The following CDH18 variants were observed in gnomAD, a reference collection of about 807,000 sequenced individuals.
CDH18 encodes the protein cadherin-18.
In CDH18, 31 loss-of-function variants were observed where a neutral mutation model predicts 67.9. That is an observed-to-expected ratio of 0.46 (90% CI 0.34 to 0.62). The LOEUF (loss-of-function observed/expected upper bound fraction) is 0.62. Ranked by LOEUF, CDH18 falls within the 20% of genes least tolerant of loss-of-function variation. The pLI is 0.01. For missense variants in CDH18, 890 were observed against 975.5 expected (o/e 0.91, Z 1.17); for synonymous variants, 362 against 347.2 (o/e 1.04, Z -0.48).
Position 20,249,059 on chromosome 5 carries a change from A to C in CDH18, c.-518+6385T>G, listed in dbSNP as rs542273006. Among the ~76,000 whole-genome samples the C allele has an allele frequency of 9.8e-5, 15 of 152,310 alleles. No homozygotes were observed. In the East Asian group the frequency reaches 2.9e-3, roughly 29 times the overall value. On this transcript the variant is annotated intron_variant, in intron 2 of 14. Transcript: ENST00000507958. ...TAGAAATAAACACAAAGAAAAACAA[A>C]GTATTATTGGAAAAGTACAGCGAAG...
intron 4 of CDH18, among the ~76,000 whole-genome samples, chr5:19,734,584 G>C (rs944088368): frequency 1.3e-5 from 2 of 152,012 alleles, no homozygotes; most frequent in African/African-American, 4.8e-5. Flanking sequence ...ACTCTTCCTT[G>C]TTTTGAAAGC....
At chr5:19,996,472 C>T (rs2150394879) in intron 2 of CDH18, among the ~76,000 whole-genome samples, 1 of 152,100 alleles carries the variant, frequency 6.6e-6, no homozygotes, top group South Asian at 2.1e-4. Flanking sequence ...GAAAAGATTA[C>T]TGAAATTGAA....
chr5:19,720,508 T>A (rs1416543184), intron 5 of CDH18, among the ~76,000 whole-genome samples: 3 of 152,164 alleles, frequency 2.0e-5, no homozygotes, highest in African/African-American at 7.2e-5. Context: ...GAGTTTTACT[T>A]AACCAAATTT....
At chr5:20,276,366 A>C (rs1561932191) in intron 1 of CDH18, among the ~76,000 whole-genome samples, 1 of 152,112 alleles carries the variant, frequency 6.6e-6, no homozygotes, top group Non-Finnish European at 1.5e-5. Flanking sequence ...TTGGATAGGG[A>C]ACTGGGCAGA....
intron 2 of CDH18, among the ~76,000 whole-genome samples, chr5:20,055,990 CTTTTTTTTTTTT>C (rs34736791): frequency 0.045 from 3,328 of 73,952 alleles, 82 homozygotes; most frequent in African/African-American, 0.16. Context: ...TTTTGGTTTC[CTTTTTTTTTTTT>C]TTTTTTTTTT....
chr5:19,549,660 AAGGGAGGG>A (rs533895316), intron 8 of CDH18, among the ~76,000 whole-genome samples: 7 of 141,202 alleles, frequency 5.0e-5, no homozygotes, highest in Admixed American at 4.9e-4. Context: ...AGAGGGAAGG[AAGGGAGGG>A]AGGGAGGGAA....
At chr5:19,482,359 G>A (rs1049475150) in intron 12 of CDH18, among the ~76,000 whole-genome samples, 16 of 151,916 alleles carry the variant, frequency 1.1e-4, no homozygotes, top group Admixed American at 3.9e-4. Context: ...TTCGTGATCC[G>A]CCCGCCTCGG....
intron 2 of CDH18, among the ~76,000 whole-genome samples, chr5:19,909,202 A>G (rs972576503): frequency 6.6e-6 from 1 of 152,142 alleles, no homozygotes; most frequent in South Asian, 2.1e-4. Context: ...CAACTCCACA[A>G]TATATTTTTA....
chr5:19,987,819 C>G (rs1467439269), intron 1 of CDH18, among the ~76,000 whole-genome samples: 1 of 152,182 alleles, frequency 6.6e-6, no homozygotes, highest in Non-Finnish European at 1.5e-5. Context: ...CACAGATAAA[C>G]ATAAACAGAC....
At chr5:20,568,495 T>C (rs779343476) in intron 1 of CDH18, among the ~76,000 whole-genome samples, 6 of 152,086 alleles carry the variant, frequency 3.9e-5, no homozygotes, top group Non-Finnish European at 7.4e-5. Context: ...AATAACTAGA[T>C]GGTAGAAATG....
chr5:19,994,855 T>TATATATATATAGAGAG lies in CDH18; in HGVS notation c.-517-2842_-517-2841insCTCTCTATATATATAT, dbSNP rs760777430. 4.4e-5 allele frequency among the ~76,000 whole-genome samples: 3 copies of TATATATATATAGAGAG among 67,584 alleles called. 1 individual carries two copies. The highest frequency in any genetic ancestry group is 7.6e-5 in the Non-Finnish European group (3 of 39,464). The allele number at this position is 67,584 out of a possible 152,430, so 44.3% of individuals were successfully genotyped here. On this transcript the variant is annotated intron_variant, in intron 2 of 14. Coordinates refer to the CDH18 transcript ENST00000507958. ...ATATATATATATATATATATATATA[T>TATATATATATAGAGAG]AGAGAGAGAGAGAGAGAGAGAGATG...
At chr5:20,491,727 C>G (rs1465467810) in intron 1 of CDH18, among the ~76,000 whole-genome samples, 2 of 152,134 alleles carry the variant, frequency 1.3e-5, no homozygotes, top group Non-Finnish European at 2.9e-5. Flanking sequence ...GGCCAATCTG[C>G]TTTCCTCAAG....
rs183878825 is a variant in CDH18, at chr5:19,729,389, G to A, written c.524-7923C>T. Among the ~76,000 whole-genome samples, 8 of 152,256 alleles carry A rather than the reference G, an allele frequency of 5.3e-5. No homozygotes were observed. In the East Asian group the frequency reaches 9.6e-4, roughly 18 times the overall value. On this transcript the variant is annotated intron_variant, in intron 4 of 12. Coordinates refer to ENST00000382275, the MANE Select transcript of CDH18 (RefSeq NM_004934.5). ...AGTTGTATAGTTGACAATTGGAGAC[G>A]GCAGAATTCAAGTCCAGCCCTATCT...
intron 5 of CDH18, among the ~76,000 whole-genome samples, chr5:19,714,131 C>G (rs950815974): frequency 6.6e-6 from 1 of 152,084 alleles, no homozygotes; most frequent in Non-Finnish European, 1.5e-5. Context: ...GTCACATGAT[C>G]ACAAATACAT....
chr5:19,903,449 G>A (rs1441841997), intron 2 of CDH18, among the ~76,000 whole-genome samples: 1 of 150,406 alleles, frequency 6.6e-6, no homozygotes, highest in African/African-American at 2.4e-5. Context: ...AGTGCTTTTT[G>A]AAAAGGAACA....
chr5:19,506,960 A>G (rs1192873897), intron 10 of CDH18, among the ~76,000 whole-genome samples: 1 of 152,244 alleles, frequency 6.6e-6, no homozygotes, highest in Non-Finnish European at 1.5e-5. Flanking sequence ...CATCAGAGTG[A>G]ACAGGCAACC....
intron 1 of CDH18, among the ~76,000 whole-genome samples, chr5:20,264,214 G>C (rs1744865566): frequency 6.6e-6 from 1 of 151,992 alleles, no homozygotes; most frequent in African/African-American, 2.4e-5. Context: ...ACCAGACCAT[G>C]AATACTCTAT....
At chr5:19,812,386 G>C (rs73057659) in intron 3 of CDH18, among the ~76,000 whole-genome samples, 1 of 152,170 alleles carries the variant, frequency 6.6e-6, no homozygotes, top group Non-Finnish European at 1.5e-5. Context: ...TATTATGAAA[G>C]TGCATGTAGA....
chr5:19,773,092 A>G (rs937326365), intron 3 of CDH18, among the ~76,000 whole-genome samples: 3 of 152,196 alleles, frequency 2.0e-5, no homozygotes, highest in African/African-American at 7.2e-5. Context: ...ACATAATCAT[A>G]GGATAAATAA....
Sources: gnomAD v4.1 joint callset for allele counts (sites outside exome capture counted in the v4.1 genomes callset) on GRCh38, gnomAD v4.1.1 for gene constraint, MANE v1.5 for transcripts, NCBI Gene and HGNC (gene_info 2026-07-23, HGNC 2026-07-21) for gene names.